EP300: variants seen among roughly 807,000 people sequenced by gnomAD.
The protein encoded by EP300 is EP300 lysine acetyltransferase.
In EP300, 31 loss-of-function variants were observed where a neutral mutation model predicts 264.0. That is an observed-to-expected ratio of 0.12 (90% CI 0.09 to 0.16). EP300 has a LOEUF of 0.16. Among genes scored for constraint, EP300 ranks in the 10% least tolerant of loss-of-function variants. EP300 has a pLI of 1.00. For synonymous variants in EP300, 1,340 were observed against 1,045.4 expected, an observed-to-expected ratio of 1.28 and a Z score of -5.44; for missense variants, 2,766 against 3,052.9, an observed-to-expected ratio of 0.91 and a Z score of 2.21.
intron 8 of EP300, among the ~76,000 whole-genome samples, 191 bp downstream of exon 8, chr22:41,137,981 A>G (rs2058961665): frequency 6.6e-6 from 1 of 152,066 alleles, no homozygotes; most frequent in African/African-American, 2.4e-5. Context: ...TCCCACCATC[A>G]TCTATGGTAG....
At chr22:41,095,327 TGG>T (rs932195804) in intron 1 of EP300, among the ~76,000 whole-genome samples, 17 of 145,886 alleles carry the variant, frequency 1.2e-4, no homozygotes, top group African/African-American at 4.3e-4. Context: ...CTCTGCCTCC[TGG>T]GTTAAAGCAG....
intron 28 of EP300, among the ~76,000 whole-genome samples, chr22:41,173,376 T>C (rs560849664): frequency 1.7e-4 from 26 of 152,306 alleles, no homozygotes; most frequent in Admixed American, 1.6e-3. Context: ...ATCTACAGGG[T>C]CTGCACATTC....
intron 1 of EP300, among the ~76,000 whole-genome samples, chr22:41,097,065 T>C (rs963081436): frequency 2.0e-5 from 3 of 152,212 alleles, no homozygotes; most frequent in African/African-American, 7.2e-5. Flanking sequence ...TACATAAGAG[T>C]TTGCTTCTGG....
chr22:41,151,683 A>G (rs2059046332), intron 14 of EP300, 150 bp from the exon 15 acceptor site: 1 of 789,800 alleles, frequency 1.3e-6, no homozygotes, highest in Non-Finnish European at 2.1e-6. Context: ...AGGGAGGTGA[A>G]ATGGGCAGAG....
chr22:41,144,576 C>T (rs1161052900), intron 10 of EP300, among the ~76,000 whole-genome samples: 2 of 151,892 alleles, frequency 1.3e-5, no homozygotes, highest in Non-Finnish European at 2.9e-5. Context: ...AGACTAGTCT[C>T]GAACTCCTGA....
chr22:41,140,304 G>A, intron 9 of EP300, 47 bp downstream of exon 9: 1 of 1,293,882 alleles, frequency 7.7e-7, no homozygotes. Flanking sequence ...TGAACCTGTT[G>A]TGGTTATTTT....
intron 10 of EP300, among the ~76,000 whole-genome samples, chr22:41,143,467 G>A (rs958855859): frequency 3.3e-5 from 5 of 151,974 alleles, no homozygotes; most frequent in Admixed American, 3.3e-4. Flanking sequence ...AAATAAATAA[G>A]GTTTGTAAAC....
At chr22:41,113,418 C>A (rs1421809367) in intron 1 of EP300, among the ~76,000 whole-genome samples, 1 of 151,894 alleles carries the variant, frequency 6.6e-6, no homozygotes, top group Non-Finnish European at 1.5e-5. Context: ...TTTCCTGTTT[C>A]GTTTATGCTT....
intron 1 of EP300, among the ~76,000 whole-genome samples, chr22:41,110,684 G>C (rs979524891): frequency 2.0e-5 from 3 of 152,174 alleles, no homozygotes; most frequent in Non-Finnish European, 4.4e-5. Flanking sequence ...GATTACAGGC[G>C]TGAGCCACCC....
At position 41,179,753 on chromosome 22, in the gene EP300, A is replaced by C. The variant is rs2059229993; in HGVS notation, c.*797A>C. 1.3e-5 allele frequency: 3 copies of C among 231,032 alleles called. No homozygotes were observed. In the South Asian group the frequency reaches 5.4e-4, roughly 42 times the overall value. The allele number at this position is 231,032 out of a possible 1,614,324, so 14.3% of individuals were successfully genotyped here. ...TGAAAGAATTTTTTTCGTTATTTTT[A>C]CATCTAACAAAGTAAAAAAATTAAA... On this transcript the variant is annotated 3_prime_UTR_variant, in exon 31 of 31. Coordinates refer to ENST00000263253, the MANE Select transcript of EP300 (RefSeq NM_001429.4).
chr22:41,156,744 C>T (rs1231410175), intron 17 of EP300, among the ~76,000 whole-genome samples: 1 of 151,888 alleles, frequency 6.6e-6, no homozygotes, highest in African/African-American at 2.4e-5. Flanking sequence ...TCAAGTGCTT[C>T]CAGGGGCAAA....
chr22:41,154,722 C>T (rs1258396548), intron 16 of EP300, among the ~76,000 whole-genome samples: 1 of 152,114 alleles, frequency 6.6e-6, no homozygotes, highest in Non-Finnish European at 1.5e-5. Flanking sequence ...TTGACCGAGT[C>T]TGTCTTCACT....
chr22:41,172,647 G>A lies in EP300; in HGVS notation c.4601G>A (p.Ser1534Asn), dbSNP rs2059177246. ...GAGAGAAAACGAGAGGAAAACACCA[G>A]CAATGAAAGCACAGATGTAAGGGCA... ...EEERKREENT[S>N]NESTDVTKGD... Residue 1534 changes from serine to asparagine, a missense_variant, in exon 28 of 31, where the codon AGC becomes AAC. Physicochemically the swap from Ser to Asn is conservative, Grantham distance 46. Transcript: ENST00000263253. The A allele has an allele frequency of 8.1e-6, 13 of 1,613,164 alleles. No homozygotes were observed. The highest frequency in any genetic ancestry group is 1.1e-5 in the Non-Finnish European group (13 of 1,179,396).
intron 19 of EP300, chr22:41,158,799 T>C (rs1220724319): frequency 1.0e-5 from 4 of 393,358 alleles, no homozygotes; most frequent in Non-Finnish European, 1.9e-5. Flanking sequence ...CTACTGTGTG[T>C]TTGTTGATCA....
intron 28 of EP300, 32 bp from the exon 29 acceptor site, chr22:41,173,591 T>C (rs1569118950): frequency 6.2e-7 from 1 of 1,612,564 alleles, no homozygotes; most frequent in Non-Finnish European, 8.5e-7. Flanking sequence ...ACAAAAACCT[T>C]ATTTTCTTGT....
At position 41,150,093 on chromosome 22, in the gene EP300, A is replaced by G; in HGVS notation, c.2712A>G (p.Ala904=). The change falls in exon 14 of 31, where the codon GCA becomes GCG. Residue 904 remains alanine (A), a synonymous_variant. Transcript: ENST00000263253. Reference sequence around the variant, plus strand: ...AAGTGCAGCCTTCACTTCCTGCTGCACCTTCTGCTGACCAGCCCCAGCAGC... The same window carrying G: ...AAGTGCAGCCTTCACTTCCTGCTGCGCCTTCTGCTGACCAGCCCCAGCAGC... ...PQQVQPSLPA[A]PSADQPQQQP... 1.2e-6 allele frequency: 2 copies of G among 1,613,402 alleles called. No individual in the cohort carries two copies. The highest frequency in any genetic ancestry group is 2.2e-5 in the East Asian group (1 of 44,890).
chr22:41,174,291 C>T (rs1288127988), intron 29 of EP300, among the ~76,000 whole-genome samples: 1 of 152,074 alleles, frequency 6.6e-6, no homozygotes, highest in African/African-American at 2.4e-5. Flanking sequence ...CAAAAATTAG[C>T]CTGGCGTGGT....
Position 41,178,609 on chromosome 22 carries a change from C to G in EP300, c.6898C>G (p.Pro2300Ala). 1 of 1,614,046 alleles carries G rather than the reference C, an allele frequency of 6.2e-7. No individual in the cohort carries two copies. The highest frequency in any genetic ancestry group is 8.5e-7 in the Non-Finnish European group (1 of 1,180,006). Reference protein sequence around the residue: ...QSPHLQGQQIPNSLSNQVRSP... With the variant: ...QSPHLQGQQIANSLSNQVRSP... ...CCCACACCTACAAGGCCAGCAGATC[C>G]CTAATTCTCTCTCCAATCAAGTGCG... Residue 2300 changes from proline (P) to alanine (A), a missense_variant, in exon 31 of 31, where the codon CCT becomes GCT. Pro to Ala is a conservative substitution (Grantham distance 27). Coordinates refer to ENST00000263253, the MANE Select transcript of EP300 (RefSeq NM_001429.4).
At chr22:41,169,124 G>A (rs1005217361) in intron 25 of EP300, 25 of 580,236 alleles carry the variant, frequency 4.3e-5, no homozygotes, top group East Asian at 1.2e-4. Flanking sequence ...GAAAACAAAC[G>A]TACTACTCTT....
Sources: gnomAD v4.1 joint callset for allele counts (sites outside exome capture counted in the v4.1 genomes callset) on GRCh38, gnomAD v4.1.1 for gene constraint, MANE v1.5 for transcripts, NCBI Gene and HGNC (gene_info 2026-07-23, HGNC 2026-07-21) for gene names.